Variants in GLIPR1 observed in about 807,000 individuals in gnomAD.
The protein encoded by GLIPR1 is GLI pathogenesis related 1.
In GLIPR1, 38 loss-of-function variants were observed where a neutral mutation model predicts 30.3. The ratio of observed to expected loss-of-function variants is 1.26; its 90% confidence interval spans 0.97 to 1.65. The LOEUF is 1.65. Among genes scored for constraint, GLIPR1 ranks in the 40% most tolerant of loss-of-function variants. The pLI is 0.00. For missense variants in GLIPR1, 285 were observed against 326.5 expected (o/e 0.87, Z 0.98); for synonymous variants, 122 against 110.6 (o/e 1.10, Z -0.65).
chr12:75,481,147 T>C, intron 1 of GLIPR1, 93 bp downstream of exon 1: 2 of 848,892 alleles, frequency 2.4e-6, no homozygotes. Context: ...TACTGAATGA[T>C]TTTTTTTTCA....
In GLIPR1 at chr12:75,502,713, T is replaced by C. The variant is rs1476426528; in HGVS notation, c.*3735T>C. The C allele has an allele frequency of 6.6e-6, 1 of 152,048 alleles. No individual in the cohort carries two copies. 9.4% of individuals were successfully genotyped at this position (152,048 alleles called of 1,614,324 possible). On this transcript the variant is annotated 3_prime_UTR_variant, in exon 6 of 6. Coordinates refer to ENST00000266659, the MANE Select transcript of GLIPR1 (RefSeq NM_006851.3). ...GGGATAAATAACTCGCCCAGTCACA[T>C]AATGAATTAAGTGTTAAGAACAAGT...
Position 75,480,903 on chromosome 12 carries a change from T to A in GLIPR1, c.23T>A (p.Ile8Lys). 1 of 1,612,952 alleles carries A rather than the reference T, an allele frequency of 6.2e-7. No homozygotes were observed. The highest frequency in any genetic ancestry group is 8.5e-7 in the Non-Finnish European group (1 of 1,179,282). The change falls in exon 1 of 6, where the codon ATA becomes AAA. Residue 8 changes from isoleucine to lysine, a missense_variant. Coordinates refer to ENST00000266659, the MANE Select transcript of GLIPR1 (RefSeq NM_006851.3). ...AGCATGCGTGTCACACTTGCTACAATAGCCTGGATGGTTTCTTTTGTCTCC... is the reference window on the plus strand; with the variant it reads ...AGCATGCGTGTCACACTTGCTACAAAAGCCTGGATGGTTTCTTTTGTCTCC... MRVTLAT[I>K]AWMVSFVSNY...
At chr12:75,482,758 C>G in intron 2 of GLIPR1, among the ~76,000 whole-genome samples, 1 of 151,332 alleles carries the variant, frequency 6.6e-6, no homozygotes, top group East Asian at 1.9e-4. Flanking sequence ...ATTCTGGCTC[C>G]CTAACCCTAC....
intron 4 of GLIPR1, chr12:75,497,004 G>A (rs530896228): frequency 6.6e-6 from 1 of 152,236 alleles, no homozygotes; most frequent in African/African-American, 2.4e-5. Context: ...TGTATTCACT[G>A]AATTCTTCCT....
Position 75,499,974 on chromosome 12 carries a change from A to G in GLIPR1, c.*996A>G. 6.4e-7 allele frequency: 1 copy of G among 1,560,646 alleles called. No homozygotes were observed. The highest frequency in any genetic ancestry group is 8.7e-7 in the Non-Finnish European group (1 of 1,155,552). ...AAGCTAGACAAATTAAAAGCACAAC[A>G]CATGTAATACTTTAGATTTTACCAA... On this transcript the variant is annotated 3_prime_UTR_variant, in exon 6 of 6. Transcript: ENST00000266659.
rs1239015895 is a variant in GLIPR1 at position 75,500,915 on chromosome 12, T to C, written c.*1937T>C. On this transcript the variant is annotated 3_prime_UTR_variant, in exon 6 of 6. Transcript: ENST00000266659. ...TACAGACTGGAAATTATAATACTTA[T>C]GACATTTCTACCTTTTATATAACCA... 1.3e-5 allele frequency: 2 copies of C among 152,108 alleles called. No homozygotes were observed. The highest frequency in any genetic ancestry group is 6.6e-5 in the Admixed American group (1 of 15,242). 9.4% of individuals were successfully genotyped at this position (152,108 alleles called of 1,614,324 possible).
At chr12:75,493,227 TG>T (rs938879948) in intron 3 of GLIPR1, 13 of 152,230 alleles carry the variant, frequency 8.5e-5, no homozygotes, top group African/African-American at 3.1e-4. Flanking sequence ...TCAGTCTGGA[TG>T]GAAAATGGAT....
Position 75,498,781 on chromosome 12 carries a change from T to G in GLIPR1, c.647-43T>G, listed in dbSNP as rs1331549727. The G allele has an allele frequency of 3.0e-5, 48 of 1,608,200 alleles. No homozygotes were observed. The East Asian group carries it at 1.0e-3, about 35-fold the overall frequency. On this transcript the variant is annotated intron_variant, in intron 5 of 5. Coordinates refer to ENST00000266659, the MANE Select transcript of GLIPR1 (RefSeq NM_006851.3). The stretch of plus-strand genomic sequence containing the variant: ...CTATGTGAATTCTGTCAGTGCATTA[T>G]GAGGAACAATGTCTAAGAGGATATT...
rs751999311 is a variant in GLIPR1, at chr12:75,501,881, T to G, written c.*2903T>G. On this transcript the variant is annotated 3_prime_UTR_variant, in exon 6 of 6. Coordinates refer to ENST00000266659, the MANE Select transcript of GLIPR1 (RefSeq NM_006851.3). ...TATAGTTAAATAATTCAAGTATCTA[T>G]GAACTTTGCTATTCATGTGAGCCAG... is the stretch of plus-strand genomic sequence containing the variant. 13 of 1,590,390 alleles carry G rather than the reference T, an allele frequency of 8.2e-6. No homozygotes were observed. Among genetic ancestry groups the G allele is most frequent in the Non-Finnish European group, 1.1e-5 (13 of 1,163,132 alleles).
At chr12:75,495,703 G>A (rs150875077) in intron 4 of GLIPR1, 41 bp downstream of exon 4, 69 of 1,072,676 alleles carry the variant, frequency 6.4e-5, no homozygotes, top group Non-Finnish European at 8.7e-5. Flanking sequence ...TAACATAATA[G>A]TAACATGTAA....
Position 75,481,062 on chromosome 12 carries a change from A to C in GLIPR1, c.174+8A>C. On this transcript the variant is annotated splice_region_variant and intron_variant, in intron 1 of 5. Coordinates refer to ENST00000266659, the MANE Select transcript of GLIPR1 (RefSeq NM_006851.3). ...AGTGATATGCTATACATGGTAAGGAAAATATCATTAATTGTGGCGTCAGTC... is the reference window on the plus strand; with the variant it reads ...AGTGATATGCTATACATGGTAAGGACAATATCATTAATTGTGGCGTCAGTC... 1.9e-6 allele frequency: 3 copies of C among 1,595,500 alleles called. No homozygotes were observed. Among genetic ancestry groups the C allele is most frequent in the Non-Finnish European group, 2.6e-6 (3 of 1,166,112 alleles).
chr12:75,501,805 T>C lies in GLIPR1; in HGVS notation c.*2827T>C. 6.2e-7 allele frequency: 1 copy of C among 1,608,696 alleles called. No individual in the cohort carries two copies. The highest frequency in any genetic ancestry group is 8.5e-7 in the Non-Finnish European group (1 of 1,177,000). On this transcript the variant is annotated 3_prime_UTR_variant, in exon 6 of 6. Coordinates refer to ENST00000266659, the MANE Select transcript of GLIPR1 (RefSeq NM_006851.3). Reference sequence around the variant, plus strand: ...CCTCTTGTCTCTTACTGATGGCTTCTGCTTGTTTAGCCTACATTAATAAAT... The same window carrying C: ...CCTCTTGTCTCTTACTGATGGCTTCCGCTTGTTTAGCCTACATTAATAAAT...
Position 75,480,964 on chromosome 12 carries a change from C to G in GLIPR1, c.84C>G (p.Ile28Met), listed in dbSNP as rs775097349. Residue 28 changes from isoleucine (I) to methionine (M), a missense_variant, in exon 1 of 6, where the codon ATC (isoleucine) becomes ATG (methionine). Physicochemically the swap from Ile to Met is conservative, Grantham distance 10 (BLOSUM62 1). Coordinates refer to ENST00000266659, the MANE Select transcript of GLIPR1 (RefSeq NM_006851.3). ...ACACAGCAAATATTTTGCCAGATATCGAAAATGAAGATTTCATCAAAGACT... is the reference window on the plus strand; with the variant it reads ...ACACAGCAAATATTTTGCCAGATATGGAAAATGAAGATTTCATCAAAGACT... ...YSHTANILPD[I>M]ENEDFIKDCV... 138 of 1,613,386 alleles carry G rather than the reference C, an allele frequency of 8.6e-5. No individual in the cohort carries two copies. Among genetic ancestry groups the G allele is most frequent in the Non-Finnish European group, 1.1e-4 (127 of 1,179,558 alleles).
At chr12:75,482,852 A>G (rs2046277718) in intron 2 of GLIPR1, among the ~76,000 whole-genome samples, 1 of 152,020 alleles carries the variant, frequency 6.6e-6, no homozygotes, top group African/African-American at 2.4e-5. Context: ...TGTCCTGGCT[A>G]CATTTTGTTT....
Position 75,481,002 on chromosome 12 carries a change from A to G in GLIPR1, c.122A>G (p.His41Arg), listed in dbSNP as rs758483406. The change falls in exon 1 of 6, where the codon CAT becomes CGT. Residue 41 changes from histidine to arginine, a missense_variant. Transcript: ENST00000266659. ...TTCATCAAAGACTGCGTTCGAATCC[A>G]TAACAAGTTCCGATCAGAGGTGAAA... ...EDFIKDCVRI[H>R]NKFRSEVKPT... 8 of 1,613,948 alleles carry G rather than the reference A, an allele frequency of 5.0e-6. No homozygotes were observed. In the East Asian group the frequency reaches 1.3e-4, roughly 27 times the overall value.
intron 2 of GLIPR1, among the ~76,000 whole-genome samples, 173 bp from the exon 3 acceptor site, chr12:75,490,233 A>ACACACACACACC (rs1173000975): frequency 2.1e-5 from 3 of 145,286 alleles, no homozygotes; most frequent in East Asian, 2.0e-4. Flanking sequence ...ACACACACAC[A>ACACACACACACC]CCCCAATAAT....
At chr12:75,482,755 C>T (rs979421171) in intron 2 of GLIPR1, among the ~76,000 whole-genome samples, 1 of 150,488 alleles carries the variant, frequency 6.6e-6, no homozygotes, top group Non-Finnish European at 1.5e-5. Flanking sequence ...CTGATTCTGG[C>T]TCCCTAACCC....
At chr12:75,496,407 C>A (rs1386782774) in intron 4 of GLIPR1, 2 of 152,000 alleles carry the variant, frequency 1.3e-5, no homozygotes, top group Non-Finnish European at 2.9e-5. Context: ...ATTAGCCAGA[C>A]AGCATTTAAT....
chr12:75,501,659 A>G lies in GLIPR1; in HGVS notation c.*2681A>G, dbSNP rs1364096945. On this transcript the variant is annotated 3_prime_UTR_variant, in exon 6 of 6. Transcript: ENST00000266659. Reference sequence around the variant, plus strand: ...ACAACTGTTTCTTAAAAAGATTCAGACAAATTTATTATGGGTTTACTTTTC... The same window carrying G: ...ACAACTGTTTCTTAAAAAGATTCAGGCAAATTTATTATGGGTTTACTTTTC... 3.7e-6 allele frequency: 4 copies of G among 1,069,704 alleles called. No individual in the cohort carries two copies. The Admixed American group carries it at 6.3e-5, about 17-fold the overall frequency. 66.3% of individuals were successfully genotyped at this position (1,069,704 alleles called of 1,614,324 possible). A position where few individuals can be genotyped will look rare whatever the true frequency, so the allele number is the denominator to read the frequency against.
Sources: gnomAD v4.1 joint callset for allele counts (sites outside exome capture counted in the v4.1 genomes callset) on GRCh38, gnomAD v4.1.1 for gene constraint, MANE v1.5 for transcripts, NCBI Gene and HGNC (gene_info 2026-07-23, HGNC 2026-07-21) for gene names.